Variants in SLC22A11 observed in about 807,000 individuals in gnomAD.
SLC22A11 encodes the protein organic anion transporter 4.
Under a neutral mutation model 49.4 loss-of-function variants are expected in SLC22A11, and 42 were observed. The ratio of observed to expected loss-of-function variants is 0.85; its 90% confidence interval spans 0.66 to 1.10. The LOEUF is 1.10. Among genes scored for constraint, SLC22A11 ranks in the 50% least tolerant of loss-of-function variants. The probability of loss-of-function intolerance (pLI) is 0.00; values close to 1 mark genes in which losing one functional copy is unlikely to be tolerated. For missense variants in SLC22A11, 685 were observed against 731.6 expected, an observed-to-expected ratio of 0.94 and a Z score of 0.74; for synonymous variants, 304 against 315.8, an observed-to-expected ratio of 0.96 and a Z score of 0.40.
chr11:64,570,533 C>T (rs1460048058), intron 9 of SLC22A11, among the ~76,000 whole-genome samples: 1 of 152,216 alleles, frequency 6.6e-6, no homozygotes, highest in Non-Finnish European at 1.5e-5. Flanking sequence ...GCAGCAAGCA[C>T]TCTGGACATG....
At position 64,571,094 on chromosome 11, in the gene SLC22A11, G is replaced by A; in HGVS notation, c.*52G>A. 6.3e-7 allele frequency: 1 copy of A among 1,588,410 alleles called. No homozygotes were observed. Among genetic ancestry groups the A allele is most frequent in the South Asian group, 1.1e-5 (1 of 90,582 alleles). Reference sequence around the variant, plus strand: ...AGTCAAAGACTCCTGGAAAGGAGTTGCCTCTTCTCCAATCAGAGCGTGGAG... The same window carrying A: ...AGTCAAAGACTCCTGGAAAGGAGTTACCTCTTCTCCAATCAGAGCGTGGAG... On this transcript the variant is annotated 3_prime_UTR_variant, in exon 10 of 10. Transcript: ENST00000301891.
Position 64,571,015 on chromosome 11 carries a change from C to T in SLC22A11, c.1626C>T (p.Ala542=), listed in dbSNP as rs769934108. The part of the protein sequence containing the change: ...STAAQGNRQE[A]VTVESTSL Reference sequence around the variant, plus strand: ...CAGCCCAGGGCAACCGGCAAGAGGCCGTCACTGTGGAAAGTACCTCGCTCT... The same window carrying T: ...CAGCCCAGGGCAACCGGCAAGAGGCTGTCACTGTGGAAAGTACCTCGCTCT... Residue 542 remains alanine (A), a synonymous_variant, in exon 10 of 10, where the codon GCC becomes GCT. Transcript: ENST00000301891. 17 of 1,614,090 alleles carry T rather than the reference C, an allele frequency of 1.1e-5. No homozygotes were observed. The East Asian group carries it at 1.3e-4, about 13-fold the overall frequency.
In SLC22A11 at chr11:64,556,083, C is replaced by A. The variant is rs750162121; in HGVS notation, c.84C>A (p.Cys28Ter). 1.2e-6 allele frequency: 2 copies of A among 1,614,134 alleles called. No homozygotes were observed. Among genetic ancestry groups the A allele is most frequent in the Non-Finnish European group, 1.7e-6 (2 of 1,180,032 alleles). The change falls in exon 1 of 10, where the codon TGC becomes TGA. Residue 28 changes from cysteine to a stop codon, truncating the protein, a stop_gained. Coordinates refer to ENST00000301891, the MANE Select transcript of SLC22A11 (RefSeq NM_018484.4). LOFTEE classifies it high-confidence loss of function. ...TLQVLTFILP[C>*]LMIPSQMLLE... ...AGGTGCTCACCTTCATCCTCCCCTG[C>A]CTCATGATACCTTCCCAGATGCTCC...
Position 64,571,074 on chromosome 11 carries a change from A to G in SLC22A11, c.*32A>G, listed in dbSNP as rs764937044. ...TGCCTGCATGGAGCCCCTTTAGTCA[A>G]AGACTCCTGGAAAGGAGTTGCCTCT... is the stretch of plus-strand genomic sequence containing the variant. On this transcript the variant is annotated 3_prime_UTR_variant, in exon 10 of 10. Transcript: ENST00000301891. 4 of 1,612,476 alleles carry G rather than the reference A, an allele frequency of 2.5e-6. No homozygotes were observed. Among genetic ancestry groups the G allele is most frequent in the East Asian group, 2.2e-5 (1 of 44,874 alleles).
chr11:64,558,018 G>A (rs921262423), intron 1 of SLC22A11, among the ~76,000 whole-genome samples: 3 of 151,968 alleles, frequency 2.0e-5, no homozygotes, highest in Non-Finnish European at 2.9e-5. Flanking sequence ...GGCTGGTCTC[G>A]AACTCCTGAC....
Position 64,562,251 on chromosome 11 carries a change from T to C in SLC22A11, c.653-16T>C. 5.0e-6 allele frequency: 8 copies of C among 1,600,994 alleles called. No homozygotes were observed. Among genetic ancestry groups the C allele is most frequent in the Non-Finnish European group, 6.8e-6 (8 of 1,171,264 alleles). ...CGCCGCATGAGGCCTCACCTGCACG[T>C]GTCTGCATCCTTCAGTGGTGGAGTG... is the stretch of plus-strand genomic sequence containing the variant. On this transcript the variant is annotated splice_polypyrimidine_tract_variant and intron_variant, in intron 3 of 9. Transcript: ENST00000301891. This position sits in a 1 kb window ranked among gnomAD's most constrained non-coding sequence, Gnocchi z 4.4.
chr11:64,567,566 G>A (rs371094745), intron 6 of SLC22A11, 33 bp from the exon 7 acceptor site: 92 of 1,603,630 alleles, frequency 5.7e-5, no homozygotes, highest in Non-Finnish European at 7.9e-5. Context: ...CTCCCCGGCA[G>A]GGCAGGGACC....
intron 4 of SLC22A11, among the ~76,000 whole-genome samples, chr11:64,563,638 AG>A (rs1371061905): frequency 1.1e-4 from 15 of 141,530 alleles, no homozygotes; most frequent in Non-Finnish European, 1.7e-4. Context: ...AAAAAAAAAA[AG>A]GCCGGGCACA....
intron 7 of SLC22A11, among the ~76,000 whole-genome samples, chr11:64,568,391 G>A (rs188692244): frequency 3.2e-4 from 48 of 152,336 alleles, no homozygotes; most frequent in Non-Finnish European, 5.9e-4. Flanking sequence ...GAGCCGCGGT[G>A]GGGGGCATTC....
intron 2 of SLC22A11, 30 bp downstream of exon 2, chr11:64,559,268 G>A: frequency 2.7e-6 from 4 of 1,478,404 alleles, no homozygotes; most frequent in Non-Finnish European, 3.6e-6. Context: ...CCAGCCCCCA[G>A]CTCCCTCAAA....
intron 7 of SLC22A11, 83 bp downstream of exon 7, chr11:64,567,896 C>T: frequency 2.1e-6 from 3 of 1,405,098 alleles, no homozygotes; most frequent in South Asian, 2.6e-5. Flanking sequence ...CACATCCCCT[C>T]CCTGGCCCCA....
chr11:64,569,268 G>GC (rs1433508986), intron 8 of SLC22A11, among the ~76,000 whole-genome samples: 1 of 152,218 alleles, frequency 6.6e-6, no homozygotes, highest in African/African-American at 2.4e-5. Flanking sequence ...CTGGACTCCA[G>GC]CTCTCCAGAC....
In SLC22A11 at chr11:64,571,190, C is replaced by A; in HGVS notation, c.*148C>A. 1 of 779,720 alleles carries A rather than the reference C, an allele frequency of 1.3e-6. No individual in the cohort carries two copies. The highest frequency in any genetic ancestry group is 2.1e-6 in the Non-Finnish European group (1 of 475,270). The allele number at this position is 779,720 out of a possible 1,614,324, so 48.3% of individuals were successfully genotyped here. On this transcript the variant is annotated 3_prime_UTR_variant, in exon 10 of 10. Coordinates refer to ENST00000301891, the MANE Select transcript of SLC22A11 (RefSeq NM_018484.4). ...GCCGTGGCCGAGTGGACAGCGTGGC[C>A]GTCTGCTGTGGCTGAAGGCAGCTTC...
rs2135423472 is a variant in SLC22A11 at position 64,564,073 on chromosome 11, G to T, written c.822-235G>T. 6.6e-6 allele frequency among the ~76,000 whole-genome samples: 1 copy of T among 152,308 alleles called. No individual in the cohort carries two copies. Among genetic ancestry groups the T allele is most frequent in the Non-Finnish European group, 1.5e-5 (1 of 68,006 alleles). On this transcript the variant is annotated intron_variant, in intron 4 of 9. Transcript: ENST00000301891. The surrounding 1 kb of genome is among the most constrained non-coding windows in gnomAD (Gnocchi z 4.2). ...CAGGTGGGCAGGCCCCGGGCAGCCA[G>T]GCGAGCCAGATGGAGGTGGCTCGCT...
At chr11:64,567,861 C>T (rs1264037841) in intron 7 of SLC22A11, 48 bp downstream of exon 7, 2 of 1,528,144 alleles carry the variant, frequency 1.3e-6, no homozygotes, top group African/African-American at 2.7e-5. Context: ...CTTCCCCGCC[C>T]ACCCCACTGC....
In SLC22A11 at chr11:64,562,283, G is replaced by T; in HGVS notation, c.669G>T (p.Thr223=). The change falls in exon 4 of 10, where the codon ACG becomes ACT. Residue 223 remains threonine (T), a synonymous_variant. Transcript: ENST00000301891. This position sits in a 1 kb window ranked among gnomAD's most constrained non-coding sequence, Gnocchi z 4.4. The part of the protein sequence containing the change: ...SSLTLMVEWT[T]TSRRAVTMTV... ...ATCCTTCAGTGGTGGAGTGGACCAC[G>T]ACCAGCAGGAGGGCGGTCACCATGA... 6.2e-7 allele frequency: 1 copy of T among 1,605,618 alleles called. No individual in the cohort carries two copies.
intron 9 of SLC22A11, among the ~76,000 whole-genome samples, 167 bp downstream of exon 9, chr11:64,570,025 A>G (rs1368601311): frequency 2.0e-5 from 3 of 152,222 alleles, no homozygotes; most frequent in African/African-American, 4.8e-5. Context: ...TACTATCCCC[A>G]TACTATTACT....
rs79763882 is a variant in SLC22A11, at chr11:64,569,675, A to G, written c.1406A>G (p.His469Arg). The change falls in exon 9 of 10, where the codon CAT (histidine) becomes CGT (arginine). Residue 469 changes from histidine to arginine, a missense_variant. Transcript: ENST00000301891. ...PVRMTADGIL[H>R]TVGRLGAMMG... ...AGGATGACAGCAGATGGCATTCTGC[A>G]TACAGTGGGCCGGCTGGGGGCTATG... 7.9e-5 allele frequency: 127 copies of G among 1,614,014 alleles called. No homozygotes were observed. The highest frequency in any genetic ancestry group is 1.0e-4 in the Non-Finnish European group (122 of 1,180,020).
At position 64,564,164 on chromosome 11, in the gene SLC22A11, T is replaced by C; in HGVS notation, c.822-144T>C. On this transcript the variant is annotated intron_variant, in intron 4 of 9. Transcript: ENST00000301891. The surrounding 1 kb of genome is among the most constrained non-coding windows in gnomAD (Gnocchi z 4.2). ...CTGAAACCGCTGGGGACTGCCAGGCTCCTGGCTGGGCAGCAGCGGCACAGA... is the reference window on the plus strand; with the variant it reads ...CTGAAACCGCTGGGGACTGCCAGGCCCCTGGCTGGGCAGCAGCGGCACAGA... The C allele has an allele frequency of 1.9e-6, 2 of 1,069,218 alleles. No homozygotes were observed. The highest frequency in any genetic ancestry group is 5.4e-5 in the Admixed American group (2 of 36,926). The allele number at this position is 1,069,218 out of a possible 1,614,324, so 66.2% of individuals were successfully genotyped here.
Sources: gnomAD v4.1 joint callset for allele counts (sites outside exome capture counted in the v4.1 genomes callset) on GRCh38, gnomAD v4.1.1 for gene constraint, Gnocchi (gnomAD v3.1) non-coding constraint, MANE v1.5 for transcripts, NCBI Gene and HGNC (gene_info 2026-07-23, HGNC 2026-07-21) for gene names.